Variants in EPB41 observed in about 807,000 individuals in gnomAD.
The protein encoded by EPB41 is erythrocyte membrane protein band 4.1, also known as protein 4.1.
EPB41 carries 65 observed loss-of-function variants against 108.0 expected under a neutral mutation model. The observed-to-expected ratio is 0.60, with a 90% CI of 0.49 to 0.74. The LOEUF is 0.74. Ranked by LOEUF, EPB41 falls within the 30% of genes least tolerant of loss-of-function variation. The pLI is 0.00. For synonymous variants in EPB41, 336 were observed against 358.9 expected (o/e 0.94, Z 0.72); for missense variants, 875 against 1,037.0 (o/e 0.84, Z 2.15).
At chr1:29,058,752 A>T in intron 13 of EPB41, 59 bp from the exon 14 acceptor site, 1 of 1,536,672 alleles carries the variant, frequency 6.5e-7, no homozygotes, top group Non-Finnish European at 8.8e-7. Context: ...AGGTTCAAAC[A>T]AACTTCAATG....
chr1:28,919,557 G>A (rs376383047), intron 1 of EPB41, among the ~76,000 whole-genome samples: 4 of 151,794 alleles, frequency 2.6e-5, no homozygotes, highest in Admixed American at 6.6e-5. Flanking sequence ...TCTGCCTCCC[G>A]GGTTCAAGCG....
intron 7 of EPB41, among the ~76,000 whole-genome samples, chr1:29,021,082 A>G (rs1160599057): frequency 1.3e-5 from 2 of 152,162 alleles, no homozygotes; most frequent in African/African-American, 4.8e-5. Flanking sequence ...TTGTGCATCT[A>G]TTATTATGTG....
intron 4 of EPB41, among the ~76,000 whole-genome samples, chr1:29,004,882 CAA>C (rs2096371272): frequency 6.6e-6 from 1 of 152,036 alleles, no homozygotes; most frequent in African/African-American, 2.4e-5. Flanking sequence ...TGGAGCTGTA[CAA>C]AAGTCTTTTA....
At chr1:28,954,402 A>G (rs2094863313) in intron 1 of EPB41, among the ~76,000 whole-genome samples, 1 of 152,344 alleles carries the variant, frequency 6.6e-6, no homozygotes, top group African/African-American at 2.4e-5. Flanking sequence ...TCCCAAAGGA[A>G]AATTGAAAAT....
At chr1:29,095,139 T>G (rs566862714) in intron 16 of EPB41, among the ~76,000 whole-genome samples, 1 of 152,008 alleles carries the variant, frequency 6.6e-6, no homozygotes, top group Non-Finnish European at 1.5e-5. Context: ...AGATACAGAG[T>G]GGTGACTCTA....
At chr1:28,957,271 A>G (rs1029031542) in intron 1 of EPB41, among the ~76,000 whole-genome samples, 11 of 152,392 alleles carry the variant, frequency 7.2e-5, no homozygotes, top group African/African-American at 2.4e-4. Context: ...AGGCATCTTC[A>G]TGGGGATGCC....
intron 1 of EPB41, among the ~76,000 whole-genome samples, chr1:28,941,097 G>T (rs1368534122): frequency 6.6e-6 from 1 of 151,994 alleles, no homozygotes; most frequent in Non-Finnish European, 1.5e-5. Flanking sequence ...ATGAAGAAGG[G>T]CCAGGCTCAG....
chr1:28,999,062 G>T (rs555851602), intron 4 of EPB41, among the ~76,000 whole-genome samples: 13 of 152,312 alleles, frequency 8.5e-5, no homozygotes, highest in Middle Eastern at 3.4e-3. Context: ...TTCTACAACT[G>T]TGAGCTAGAA....
intron 1 of EPB41, among the ~76,000 whole-genome samples, chr1:28,952,791 T>G (rs536850584): frequency 1.3e-5 from 2 of 152,314 alleles, no homozygotes; most frequent in East Asian, 1.9e-4. Flanking sequence ...GCCCATTGCT[T>G]CTTTTTGTAA....
At chr1:29,021,799 G>A (rs1045707720) in intron 7 of EPB41, among the ~76,000 whole-genome samples, 3 of 152,112 alleles carry the variant, frequency 2.0e-5, no homozygotes, top group African/African-American at 7.2e-5. Flanking sequence ...AGCCAGGATG[G>A]TCTCAATCTC....
chr1:29,070,583 G>T (rs1650865685), intron 16 of EPB41: 1 of 1,232,074 alleles, frequency 8.1e-7, no homozygotes, highest in Admixed American at 4.2e-5. Context: ...CGTGATCCTT[G>T]TGTTGGCTGT....
chr1:28,942,304 A>G (rs1315260793), intron 1 of EPB41, among the ~76,000 whole-genome samples: 1 of 152,208 alleles, frequency 6.6e-6, no homozygotes, highest in East Asian at 1.9e-4. Flanking sequence ...CAGTCCCACA[A>G]GACTGTCTCT....
intron 1 of EPB41, among the ~76,000 whole-genome samples, chr1:28,951,383 C>A (rs932392538): frequency 6.6e-6 from 1 of 150,696 alleles, no homozygotes; most frequent in Non-Finnish European, 1.5e-5. Context: ...CACACACACA[C>A]ACACACACAC....
chr1:28,900,925 C>G, intron 1 of EPB41, among the ~76,000 whole-genome samples: 1 of 152,122 alleles, frequency 6.6e-6, no homozygotes, highest in East Asian at 1.9e-4. Flanking sequence ...CCTTTCCTAT[C>G]TTTTTATTTA....
intron 12 of EPB41, chr1:29,054,551 A>C (rs896377511): frequency 9.0e-4 from 136 of 151,230 alleles, no homozygotes; most frequent in African/African-American, 3.2e-3. Context: ...AAAAAAAAAA[A>C]AAAAAAAAAA....
chr1:29,053,766 A>T (rs1272441750), intron 12 of EPB41: 1 of 169,228 alleles, frequency 5.9e-6, no homozygotes, highest in Non-Finnish European at 1.3e-5. Flanking sequence ...TCACCGTGTT[A>T]GCCAGGATGG....
At chr1:28,902,316 G>A (rs1421757416) in intron 1 of EPB41, 1 of 985,288 alleles carries the variant, frequency 1.0e-6, no homozygotes, top group South Asian at 4.7e-5. Context: ...TTGTTCTGGA[G>A]CCCGAGCTTT....
intron 16 of EPB41, chr1:29,070,198 A>G: frequency 2.2e-6 from 1 of 454,620 alleles, no homozygotes; most frequent in Non-Finnish European, 3.6e-6. Flanking sequence ...GTGTTACAGA[A>G]ACTTTGCCAG....
rs375817878 is a variant in EPB41, at chr1:28,935,438, A to AAC, written c.-8+20699_-8+20700dup. Among the ~76,000 whole-genome samples the AAC allele has an allele frequency of 7.0e-3, 364 of 52,098 alleles. 18 individuals are homozygous for AAC. Among genetic ancestry groups the AAC allele is most frequent in the Non-Finnish European group, 0.01 (287 of 27,902 alleles). The allele number at this position is 52,098 out of a possible 152,430, so 34.2% of individuals were successfully genotyped here. A position where few individuals can be genotyped will look rare whatever the true frequency, so the allele number is the denominator to read the frequency against. Reference sequence around the variant, plus strand: ...GAGACAGAGCAACATCCTGTCTCAAAACACACACACACACACACACACACA... The same window carrying AAC: ...GAGACAGAGCAACATCCTGTCTCAAAACACACACACACACACACACACACACA... On this transcript the variant is annotated intron_variant, in intron 1 of 20. Transcript: ENST00000343067.
Sources: gnomAD v4.1 joint callset for allele counts (sites outside exome capture counted in the v4.1 genomes callset) on GRCh38, gnomAD v4.1.1 for gene constraint, MANE v1.5 for transcripts, NCBI Gene and HGNC (gene_info 2026-07-23, HGNC 2026-07-21) for gene names.